Variants in EMSY observed in about 807,000 individuals in gnomAD.
The protein encoded by EMSY is EMSY transcriptional repressor, BRCA2 interacting, also known as BRCA2-interacting transcriptional repressor EMSY.
In EMSY, 26 loss-of-function variants were observed where a neutral mutation model predicts 134.6. The ratio of observed to expected loss-of-function variants is 0.19; its 90% CI spans 0.14 to 0.27. EMSY has a LOEUF of 0.27. Among genes scored for constraint, EMSY ranks in the 10% least tolerant of loss-of-function variants. EMSY has a pLI of 1.00. For missense variants in EMSY, 1,305 were observed against 1,611.4 expected (o/e 0.81, Z 3.26); for synonymous variants, 579 against 577.8 (o/e 1.00, Z -0.03).
chr11:76,526,360 C>G, intron 12 of EMSY, 102 bp from the exon 14 acceptor site: 2 of 818,248 alleles, frequency 2.4e-6, no homozygotes, highest in Non-Finnish European at 3.5e-6. Flanking sequence ...ATCTACAGCC[C>G]TTTTTTCATC....
intron 1 of EMSY, among the ~76,000 whole-genome samples, chr11:76,446,179 C>A (rs542730844): frequency 2.0e-5 from 3 of 151,880 alleles, no homozygotes; most frequent in African/African-American, 7.2e-5. Flanking sequence ...AGAGCCGTGT[C>A]TTTTTGTCTT....
chr11:76,485,344 C>T (rs1402599768), intron 8 of EMSY, among the ~76,000 whole-genome samples: 2 of 152,152 alleles, frequency 1.3e-5, no homozygotes, highest in Admixed American at 6.5e-5. Context: ...AAAGCTTATC[C>T]ACCACGATCA....
At chr11:76,519,253 C>T (rs1950563382) in intron 11 of EMSY, among the ~76,000 whole-genome samples, 1 of 151,964 alleles carries the variant, frequency 6.6e-6, no homozygotes, top group African/African-American at 2.4e-5. Flanking sequence ...TTAGTAGAGA[C>T]AGGGTTTCAC....
At chr11:76,467,036 A>T (rs1777768428) in intron 7 of EMSY, among the ~76,000 whole-genome samples, 2 of 152,236 alleles carry the variant, frequency 1.3e-5, no homozygotes, top group South Asian at 4.1e-4. Context: ...AAATAAATGA[A>T]TTCATCAGTT....
At chr11:76,530,109 A>G (rs552893571) in intron 14 of EMSY, among the ~76,000 whole-genome samples, 6 of 151,296 alleles carry the variant, frequency 4.0e-5, no homozygotes, top group Non-Finnish European at 7.4e-5. Flanking sequence ...GCTGTAAACC[A>G]ATTAGTACTT....
At chr11:76,457,554 C>T (rs1344012413) in intron 4 of EMSY, among the ~76,000 whole-genome samples, 2 of 152,100 alleles carry the variant, frequency 1.3e-5, no homozygotes, top group East Asian at 1.9e-4. Flanking sequence ...TGGTGCGTTT[C>T]TTCTAGTGTC....
exon 21 of EMSY, chr11:76,550,124 A>G (rs767557994): frequency 1.9e-5 from 30 of 1,613,092 alleles, no homozygotes; most frequent in Non-Finnish European, 2.5e-5. Flanking sequence ...AGCCCTTCTC[A>G]GAGCTCTGCT....
chr11:76,499,735 A>G (rs1459796852), intron 9 of EMSY, among the ~76,000 whole-genome samples: 1 of 151,918 alleles, frequency 6.6e-6, no homozygotes, highest in East Asian at 1.9e-4. Context: ...TACTTGAAGA[A>G]TTTTTAGGGT....
intron 8 of EMSY, among the ~76,000 whole-genome samples, chr11:76,481,108 A>G (rs902170880): frequency 2.0e-5 from 3 of 152,116 alleles, no homozygotes; most frequent in African/African-American, 7.2e-5. Context: ...CCATGGCGCT[A>G]TCTCGGCTCA....
intron 15 of EMSY, among the ~76,000 whole-genome samples, chr11:76,537,168 G>T (rs1371183538): frequency 6.6e-6 from 1 of 152,138 alleles, no homozygotes; most frequent in Non-Finnish European, 1.5e-5. Flanking sequence ...AGATTTTGTA[G>T]AAAAGTTGAT....
chr11:76,456,082 A>G (rs1040417051), intron 4 of EMSY, among the ~76,000 whole-genome samples: 7 of 152,200 alleles, frequency 4.6e-5, no homozygotes, highest in African/African-American at 1.7e-4. Context: ...CATACTTAGT[A>G]TAAATAGAGA....
At chr11:76,544,967 C>G in intron 19 of EMSY, 145 bp downstream of exon 20, 2 of 874,822 alleles carry the variant, frequency 2.3e-6, no homozygotes, top group Non-Finnish European at 3.4e-6. Context: ...TTACTTTGCC[C>G]CATCAGAAGG....
chr11:76,546,189 G>T, exon 20 of EMSY: 1 of 1,614,114 alleles, frequency 6.2e-7, no homozygotes, highest in Non-Finnish European at 8.5e-7. Flanking sequence ...CTTCCCTAAC[G>T]ACAAGGAAAA....
chr11:76,535,293 C>G (rs1951184075), intron 14 of EMSY, among the ~76,000 whole-genome samples: 2 of 152,110 alleles, frequency 1.3e-5, no homozygotes, highest in African/African-American at 4.8e-5. Flanking sequence ...ACTTTGAGCT[C>G]CAGATGTTAC....
intron 6 of EMSY, chr11:76,460,936 G>A (rs576761351): frequency 6.6e-6 from 1 of 152,056 alleles, no homozygotes; most frequent in East Asian, 1.9e-4. Context: ...GTTGCAGTGA[G>A]CCGAGATTGC....
chr11:76,493,229 G>A (rs1949496206), intron 8 of EMSY, among the ~76,000 whole-genome samples: 1 of 152,208 alleles, frequency 6.6e-6, no homozygotes, highest in Non-Finnish European at 1.5e-5. Context: ...CCAGCCCCCT[G>A]CCGCCTGAAC....
intron 14 of EMSY, among the ~76,000 whole-genome samples, chr11:76,535,637 A>G (rs1295126226): frequency 6.6e-6 from 1 of 152,112 alleles, no homozygotes; most frequent in Non-Finnish European, 1.5e-5. Context: ...GCTCCTTTAT[A>G]TCTTCAATGC....
rs114435795 is a variant in EMSY, at chr11:76,466,947, T to C, written c.831+2867T>C. Among the ~76,000 whole-genome samples the C allele has an allele frequency of 6.0e-3, 914 of 152,308 alleles. 9 individuals are homozygous for C. The highest frequency in any genetic ancestry group is 0.02 in the African/African-American group (850 of 41,558). On this transcript the variant is annotated intron_variant, in intron 7 of 20. Coordinates refer to ENST00000334736, the Ensembl canonical transcript of EMSY. ...GCAACATAAGGTATGTATTCAACAA[T>C]TGTTAGTTCCTTCCCTTGCAGGTAT... is the stretch of plus-strand genomic sequence containing the variant.
At chr11:76,541,547 T>G (rs1386627519) in intron 17 of EMSY, among the ~76,000 whole-genome samples, 2 of 152,204 alleles carry the variant, frequency 1.3e-5, no homozygotes, top group Admixed American at 6.5e-5. Context: ...ACAAAACCTC[T>G]TAAGTTTTAG....
Sources: gnomAD v4.1 joint callset for allele counts (sites outside exome capture counted in the v4.1 genomes callset) on GRCh38, gnomAD v4.1.1 for gene constraint, MANE v1.5 for transcripts, NCBI Gene and HGNC (gene_info 2026-07-23, HGNC 2026-07-21) for gene names.